Variants in CNTLN observed in about 807,000 individuals in gnomAD.
CNTLN encodes centlein, also known as centlein, centrosomal protein.
In CNTLN, 212 loss-of-function variants were observed where a neutral mutation model predicts 180.0. That is an observed-to-expected ratio of 1.18 (90% CI 1.05 to 1.32). CNTLN has a LOEUF of 1.32. Among genes scored for constraint, CNTLN ranks in the 40% most tolerant of loss-of-function variants. CNTLN has a pLI of 0.00. For synonymous variants in CNTLN, 722 were observed against 563.1 expected (o/e 1.28, Z -3.99); for missense variants, 2,095 against 1,610.9 (o/e 1.30, Z -5.14).
chr9:17,528,314 T>C, the CNTLN span, among the ~76,000 whole-genome samples: 1 of 152,230 alleles, frequency 6.6e-6, no homozygotes, highest in Non-Finnish European at 1.5e-5. Context: ...TAATACTGTG[T>C]GTACCTTCAC....
chr9:17,441,681 A>G (rs1281405886), intron 18 of CNTLN, among the ~76,000 whole-genome samples: 2 of 152,094 alleles, frequency 1.3e-5, no homozygotes, highest in Non-Finnish European at 2.9e-5. Flanking sequence ...AAAACAAGGT[A>G]GCAATAGGAA....
intron 2 of CNTLN, among the ~76,000 whole-genome samples, chr9:17,208,081 A>G (rs577994296): frequency 1.3e-5 from 2 of 152,126 alleles, no homozygotes; most frequent in African/African-American, 4.8e-5. Flanking sequence ...TCCACATTCA[A>G]TATTAATACT....
chr9:17,202,595 A>G (rs1432075141), intron 2 of CNTLN, among the ~76,000 whole-genome samples: 3 of 119,600 alleles, frequency 2.5e-5, no homozygotes, highest in Admixed American at 2.4e-4. Flanking sequence ...GTCTTTTTTG[A>G]TCTTTGTTTG....
At chr9:17,317,907 A>G (rs922572473) in intron 8 of CNTLN, among the ~76,000 whole-genome samples, 20 of 151,994 alleles carry the variant, frequency 1.3e-4, no homozygotes, top group African/African-American at 4.6e-4. Context: ...AAGGATATAG[A>G]TTTTACTCTG....
intron 18 of CNTLN, among the ~76,000 whole-genome samples, chr9:17,424,003 G>C (rs535846787): frequency 3.6e-4 from 54 of 152,016 alleles, no homozygotes; most frequent in Non-Finnish European, 6.6e-4. Context: ...CCTGAATTTT[G>C]GTTCTTAGGA....
intron 18 of CNTLN, among the ~76,000 whole-genome samples, chr9:17,419,111 T>A (rs1019340602): frequency 6.6e-6 from 1 of 152,038 alleles, no homozygotes; most frequent in Non-Finnish European, 1.5e-5. Context: ...TTAACTGTAT[T>A]TTTTTGTTTG....
intron 10 of CNTLN, among the ~76,000 whole-genome samples, chr9:17,333,300 C>T (rs993502571): frequency 1.3e-5 from 2 of 152,214 alleles, no homozygotes; most frequent in South Asian, 4.1e-4. Context: ...CTTCCTAATT[C>T]ATACTTTGTG....
chr9:17,471,028 C>T (rs553384529), intron 23 of CNTLN, among the ~76,000 whole-genome samples: 61 of 152,008 alleles, frequency 4.0e-4, no homozygotes, highest in African/African-American at 1.4e-3. Flanking sequence ...ACTCTTTTCA[C>T]CCTGTCATTA....
intron 2 of CNTLN, among the ~76,000 whole-genome samples, chr9:17,214,197 T>C (rs1295916171): frequency 1.3e-5 from 2 of 152,234 alleles, no homozygotes; most frequent in African/African-American, 4.8e-5. Context: ...TGGTACCGGT[T>C]GTTCCTTTCC....
intron 13 of CNTLN, among the ~76,000 whole-genome samples, chr9:17,367,290 G>C (rs1823910056): frequency 1.3e-5 from 2 of 152,212 alleles, no homozygotes; most frequent in Non-Finnish European, 2.9e-5. Context: ...CCTGCCCACA[G>C]AAAGAGCATT....
At chr9:17,459,072 T>C (rs1364175631) in intron 19 of CNTLN, among the ~76,000 whole-genome samples, 1 of 151,904 alleles carries the variant, frequency 6.6e-6, no homozygotes, top group Non-Finnish European at 1.5e-5. Flanking sequence ...AACTTTGTTT[T>C]TCACCAAGAT....
At chr9:17,146,858 C>A (rs969125230) in intron 2 of CNTLN, among the ~76,000 whole-genome samples, 12 of 151,234 alleles carry the variant, frequency 7.9e-5, no homozygotes, top group African/African-American at 2.9e-4. Context: ...ATTTTTTAAT[C>A]TTTCTGATTA....
At chr9:17,385,473 C>T (rs1033521968) in intron 13 of CNTLN, among the ~76,000 whole-genome samples, 17 of 152,140 alleles carry the variant, frequency 1.1e-4, no homozygotes, top group Non-Finnish European at 2.5e-4. Context: ...TAAGCATAAA[C>T]TCTGGTATGG....
intron 2 of CNTLN, among the ~76,000 whole-genome samples, chr9:17,189,732 C>T (rs1486794085): frequency 1.3e-5 from 2 of 152,056 alleles, no homozygotes; most frequent in Non-Finnish European, 2.9e-5. Flanking sequence ...AGCTGGTCTC[C>T]TGCTTCAGCC....
At chr9:17,148,302 T>A (rs1818597279) in intron 2 of CNTLN, among the ~76,000 whole-genome samples, 1 of 152,210 alleles carries the variant, frequency 6.6e-6, no homozygotes, top group African/African-American at 2.4e-5. Context: ...GTAAAGTCAC[T>A]ACAAATACTT....
intron 18 of CNTLN, among the ~76,000 whole-genome samples, chr9:17,431,674 G>A (rs1200424984): frequency 2.0e-5 from 3 of 152,012 alleles, no homozygotes; most frequent in African/African-American, 7.2e-5. Context: ...CACAGTTGTG[G>A]GTTTCGTATT....
chr9:17,212,573 A>G, intron 2 of CNTLN, among the ~76,000 whole-genome samples: 1 of 152,172 alleles, frequency 6.6e-6, no homozygotes, highest in East Asian at 1.9e-4. Flanking sequence ...GCCTCATAGA[A>G]TGAGTTAGGG....
chr9:17,333,262 G>A (rs977434303), intron 10 of CNTLN, among the ~76,000 whole-genome samples: 2 of 151,984 alleles, frequency 1.3e-5, no homozygotes, highest in African/African-American at 4.8e-5. Flanking sequence ...GTATGTTATC[G>A]ACCAGTCTTT....
At chr9:17,164,928 C>G (rs1164480088) in intron 2 of CNTLN, among the ~76,000 whole-genome samples, 2 of 150,748 alleles carry the variant, frequency 1.3e-5, no homozygotes, top group African/African-American at 4.9e-5. Context: ...CTCTGCCACC[C>G]GAGTTCAAGT....
Sources: gnomAD v4.1 joint callset for allele counts (sites outside exome capture counted in the v4.1 genomes callset) on GRCh38, gnomAD v4.1.1 for gene constraint, MANE v1.5 for transcripts, NCBI Gene and HGNC (gene_info 2026-07-23, HGNC 2026-07-21) for gene names.